Variants in TRIM33 observed in about 807,000 individuals in gnomAD.
The protein encoded by TRIM33 is E3 ubiquitin-protein ligase TRIM33.
A neutral mutation model predicts 125.4 loss-of-function variants in TRIM33; 20 were observed. The observed-to-expected ratio is 0.16, with a 90% confidence interval of 0.11 to 0.23. The LOEUF (loss-of-function observed/expected upper bound fraction) is 0.23. Among genes scored for constraint, TRIM33 ranks in the 10% least tolerant of loss-of-function variants. The pLI is 1.00. For missense variants in TRIM33, 920 were observed against 1,411.4 expected (o/e 0.65, Z 5.58); for synonymous variants, 564 against 513.9 (o/e 1.10, Z -1.32).
rs1228886597 is a variant in TRIM33 at position 114,509,177 on chromosome 1, G to A, written c.526+1374C>T. On this transcript the variant is annotated intron_variant, in intron 1 of 19. Coordinates refer to ENST00000358465, the MANE Select transcript of TRIM33 (RefSeq NM_015906.4). ...TCTGATCCTTTTATCCTCTTGATATGAAAGCCCTCCAGGAACATCCTTCAG... is the reference window on the plus strand; with the variant it reads ...TCTGATCCTTTTATCCTCTTGATATAAAAGCCCTCCAGGAACATCCTTCAG... 3.3e-5 allele frequency among the ~76,000 whole-genome samples: 5 copies of A among 152,258 alleles called. No homozygotes were observed. The South Asian group carries it at 6.2e-4, about 19-fold the overall frequency.
chr1:114,424,845 A>C, intron 9 of TRIM33, 90 bp from the exon 10 acceptor site: 2 of 954,162 alleles, frequency 2.1e-6, no homozygotes, highest in Non-Finnish European at 1.4e-6. Context: ...AATTCAGTCA[A>C]GATAAAAGGG....
At chr1:114,456,642 G>A (rs1378777308) in intron 4 of TRIM33, among the ~76,000 whole-genome samples, 1 of 152,144 alleles carries the variant, frequency 6.6e-6, no homozygotes, top group East Asian at 1.9e-4. Flanking sequence ...TTGAGTGGGA[G>A]AGATCCCAAT....
chr1:114,424,669 C>G lies in TRIM33; in HGVS notation c.1782G>C (p.Gln594His), dbSNP rs758540451. Residue 594 changes from glutamine to histidine, a missense_variant, in exon 10 of 20, where the codon CAG becomes CAC. Around this residue, in one of 8 missense-constraint regions of TRIM33, gnomAD observed 407 missense variants for 589.7 expected, o/e 0.69. Coordinates refer to ENST00000358465, the MANE Select transcript of TRIM33 (RefSeq NM_015906.4). ...AFQAHQMRLA[Q>H]NAARIPGIPR... ...GTATCCCTGGTATTCTGGCAGCATT[C>G]TGAGCCAGTCTCATCTGATGGGCTT... The G allele has an allele frequency of 1.7e-5, 28 of 1,611,988 alleles. No individual in the cohort carries two copies. The highest frequency in any genetic ancestry group is 2.3e-5 in the Non-Finnish European group (27 of 1,178,836).
At chr1:114,448,566 G>T (rs982950397) in intron 4 of TRIM33, among the ~76,000 whole-genome samples, 1 of 152,214 alleles carries the variant, frequency 6.6e-6, no homozygotes, top group Admixed American at 6.5e-5. Context: ...GAAGGAAGTC[G>T]GGTTTAATCA....
chr1:114,497,163 C>T (rs1652416015), intron 1 of TRIM33, among the ~76,000 whole-genome samples: 1 of 152,136 alleles, frequency 6.6e-6, no homozygotes, highest in Non-Finnish European at 1.5e-5. Flanking sequence ...TGTAATGTAC[C>T]AAAAAGCAGT....
intron 9 of TRIM33, among the ~76,000 whole-genome samples, chr1:114,425,161 C>T (rs1428187795): frequency 6.6e-6 from 1 of 152,096 alleles, no homozygotes; most frequent in African/African-American, 2.4e-5. Context: ...CTTTGGTCCA[C>T]AAAATTATAC....
At chr1:114,428,692 G>A (rs1045363218) in intron 6 of TRIM33, among the ~76,000 whole-genome samples, 4 of 152,186 alleles carry the variant, frequency 2.6e-5, no homozygotes, top group African/African-American at 9.7e-5. Context: ...GTATTCAACT[G>A]AGAGAAGTAT....
At chr1:114,419,566 T>C (rs1369356735) in intron 11 of TRIM33, among the ~76,000 whole-genome samples, 1 of 152,200 alleles carries the variant, frequency 6.6e-6, no homozygotes, top group Middle Eastern at 3.2e-3. Context: ...ATTTAAAAAG[T>C]TTCCATTCTG....
chr1:114,495,976 A>G (rs1652344619), intron 1 of TRIM33, among the ~76,000 whole-genome samples: 1 of 152,240 alleles, frequency 6.6e-6, no homozygotes, highest in Non-Finnish European at 1.5e-5. Context: ...AAGGTTCATT[A>G]CATACATCCC....
Position 114,402,776 on chromosome 1 carries a change from C to T in TRIM33, c.2876G>A (p.Ser959Asn), listed in dbSNP as rs747751744. ...GACACTTACCCTTTGGTCCACGGGG[C>T]TTAACCCCTGCGCAGTTTTCCCCTT... is the stretch of plus-strand genomic sequence containing the variant. The part of the protein sequence containing the change: ...SKKGKTAQGL[S>N]PVDQRKCERL... Residue 959 changes from serine to asparagine, a missense_variant, in exon 16 of 20, where the codon AGC (serine) becomes AAC (asparagine). Physicochemically the swap from Ser to Asn is conservative, Grantham distance 46 (BLOSUM62 1). This residue lies in a region of TRIM33 where 122 missense variants were observed against 236.8 expected (regional missense o/e 0.52). Transcript: ENST00000358465. 2 of 1,613,826 alleles carry T rather than the reference C, an allele frequency of 1.2e-6. No homozygotes were observed. The highest frequency in any genetic ancestry group is 1.7e-6 in the Non-Finnish European group (2 of 1,179,880).
intron 1 of TRIM33, among the ~76,000 whole-genome samples, chr1:114,472,237 C>T (rs1650696245): frequency 6.6e-6 from 1 of 152,070 alleles, no homozygotes; most frequent in Admixed American, 6.5e-5. Context: ...ATTTTAATGA[C>T]AACATATATG....
rs1651391207 is a variant in TRIM33 at position 114,393,534 on chromosome 1, T to C, written c.*4114A>G. 1 of 201,000 alleles carries C rather than the reference T, an allele frequency of 5.0e-6. No individual in the cohort carries two copies. The highest frequency in any genetic ancestry group is 1.0e-5 in the Non-Finnish European group (1 of 97,422). The allele number at this position is 201,000 out of a possible 1,614,324, so 12.5% of individuals were successfully genotyped here. A position where few individuals can be genotyped will look rare whatever the true frequency, so the allele number is the denominator to read the frequency against. On this transcript the variant is annotated 3_prime_UTR_variant, in exon 20 of 20. Transcript: ENST00000358465. ...ACTTTGTAGTTTGATATGACAAATA[T>C]ATCCAAATTAACTTATTTTTGAAGA...
At chr1:114,413,878 T>C (rs1652756658) in intron 11 of TRIM33, among the ~76,000 whole-genome samples, 1 of 151,964 alleles carries the variant, frequency 6.6e-6, no homozygotes, top group African/African-American at 2.4e-5. Context: ...AATTTAAAAA[T>C]TAGCCAGGCA....
chr1:114,418,521 C>T (rs1054933365), intron 11 of TRIM33, among the ~76,000 whole-genome samples: 4 of 152,110 alleles, frequency 2.6e-5, no homozygotes, highest in African/African-American at 9.7e-5. Flanking sequence ...TAGCCCTTCC[C>T]CAAAACTCAA....
At chr1:114,431,240 C>T (rs750539412) in intron 5 of TRIM33, among the ~76,000 whole-genome samples, 2 of 152,210 alleles carry the variant, frequency 1.3e-5, no homozygotes, top group Non-Finnish European at 2.9e-5. Flanking sequence ...AAATGTGGCA[C>T]ATTGGTTCTG....
At chr1:114,434,484 T>C (rs1367287560) in intron 4 of TRIM33, among the ~76,000 whole-genome samples, 2 of 152,192 alleles carry the variant, frequency 1.3e-5, no homozygotes, top group African/African-American at 4.8e-5. Flanking sequence ...TCAACACCAG[T>C]TTTACTTTGT....
At chr1:114,451,723 A>G (rs1474074679) in intron 4 of TRIM33, among the ~76,000 whole-genome samples, 1 of 152,242 alleles carries the variant, frequency 6.6e-6, no homozygotes, top group Non-Finnish European at 1.5e-5. Flanking sequence ...TACTATGCTA[A>G]GCACTTTATA....
chr1:114,493,805 C>G (rs892443321), intron 1 of TRIM33, among the ~76,000 whole-genome samples: 5 of 152,080 alleles, frequency 3.3e-5, no homozygotes, highest in Admixed American at 2.0e-4. Context: ...AAGTACCTAC[C>G]AGGGACCACA....
At chr1:114,419,518 A>G (rs1266991342) in intron 11 of TRIM33, among the ~76,000 whole-genome samples, 4 of 152,362 alleles carry the variant, frequency 2.6e-5, no homozygotes, top group East Asian at 1.9e-4. Flanking sequence ...TTCACAAACT[A>G]TAAGCTGTTA....
Sources: allele counts gnomAD v4.1 joint callset (sites outside exome capture counted in the v4.1 genomes callset), GRCh38; gene constraint gnomAD v4.1.1; regional missense constraint gnomAD v4.1.1; transcripts MANE v1.5; gene names NCBI Gene and HGNC (gene_info 2026-07-23, HGNC 2026-07-21).